The following LRRC37A2 variants were observed in gnomAD, a reference collection of about 807,000 sequenced individuals.
LRRC37A2 encodes the protein leucine rich repeat containing 37 member A2.
Under a neutral mutation model 68.8 loss-of-function variants are expected in LRRC37A2, and 9 were observed. That is an observed-to-expected ratio of 0.13 (90% CI 0.08 to 0.23). LRRC37A2 has a LOEUF of 0.23. Ranked by LOEUF, LRRC37A2 falls within the 10% of genes least tolerant of loss-of-function variation. LRRC37A2 has a pLI of 1.00. For missense variants in LRRC37A2, 168 were observed against 950.4 expected, an observed-to-expected ratio of 0.18 and a Z score of 10.82; for synonymous variants, 63 against 367.6, an observed-to-expected ratio of 0.17 and a Z score of 9.48.
the LRRC37A2 span, among the ~76,000 whole-genome samples, chr17:46,789,860 C>T: frequency 7.2e-5 from 11 of 152,328 alleles, no homozygotes; most frequent in African/African-American, 2.2e-4. Flanking sequence ...GGGGATGCTG[C>T]GACCACACCC....
chr17:46,716,082 A>G, the LRRC37A2 span, among the ~76,000 whole-genome samples: 5 of 152,332 alleles, frequency 3.3e-5, no homozygotes, highest in South Asian at 1.0e-3. Context: ...TAGAAATATT[A>G]CAAAATATTT....
chr17:46,936,768 T>C, the LRRC37A2 span: 3 of 983,138 alleles, frequency 3.1e-6, no homozygotes, highest in African/African-American at 3.5e-5. Context: ...GATTGTATTG[T>C]CACTATCTCG....
the LRRC37A2 span, among the ~76,000 whole-genome samples, chr17:46,898,421 T>A: frequency 9.7e-4 from 148 of 152,332 alleles, no homozygotes; most frequent in Middle Eastern, 3.4e-3. Context: ...ATTGCCAAGT[T>A]CAAGGTTGTC....
chr17:46,975,966 G>A, the LRRC37A2 span, among the ~76,000 whole-genome samples: 13 of 152,108 alleles, frequency 8.5e-5, no homozygotes, highest in African/African-American at 3.1e-4. Flanking sequence ...TAGCACTGTC[G>A]CCCAGGCTGG....
the LRRC37A2 span, among the ~76,000 whole-genome samples, chr17:46,785,033 T>C: frequency 6.6e-6 from 1 of 152,116 alleles, no homozygotes; most frequent in Non-Finnish European, 1.5e-5. Flanking sequence ...CGCCTTGGCC[T>C]CCCAAAGTGC....
the LRRC37A2 span, among the ~76,000 whole-genome samples, chr17:46,785,029 G>A: frequency 6.6e-6 from 1 of 151,956 alleles, no homozygotes; most frequent in East Asian, 1.9e-4. Context: ...TGCCCGCCTT[G>A]GCCTCCCAAA....
At chr17:47,041,120 C>A in the LRRC37A2 span, among the ~76,000 whole-genome samples, 13 of 630 alleles carry the variant, frequency 0.021, no homozygotes, top group African/African-American at 0.026. Flanking sequence ...CAAATGAGGT[C>A]TTCCAGGGAA....
the LRRC37A2 span, among the ~76,000 whole-genome samples, chr17:46,878,341 A>C: frequency 2.0e-5 from 3 of 152,154 alleles, no homozygotes; most frequent in Admixed American, 6.5e-5. Flanking sequence ...CTCCAGGACA[A>C]AGGCCCGCTG....
chr17:46,798,989 A>C, the LRRC37A2 span, among the ~76,000 whole-genome samples: 1 of 149,358 alleles, frequency 6.7e-6, no homozygotes, highest in African/African-American at 2.5e-5. Context: ...CGGAGGTTAC[A>C]GTGAGCCAAG....
At chr17:46,805,916 A>G in the LRRC37A2 span, among the ~76,000 whole-genome samples, 3 of 152,232 alleles carry the variant, frequency 2.0e-5, no homozygotes, top group Non-Finnish European at 4.4e-5. Context: ...TCTCTTGTTT[A>G]GAGCTCTGGG....
the LRRC37A2 span, among the ~76,000 whole-genome samples, chr17:46,982,911 G>T: frequency 6.6e-6 from 1 of 152,218 alleles, no homozygotes; most frequent in Admixed American, 6.5e-5. Context: ...AAAGGAGAAG[G>T]CTTCAGGTAC....
chr17:46,922,485 TAAA>T, the LRRC37A2 span, among the ~76,000 whole-genome samples: 2 of 152,044 alleles, frequency 1.3e-5, no homozygotes, highest in Admixed American at 6.6e-5. Flanking sequence ...AGTATAATAA[TAAA>T]AAATAATAAA....
chr17:46,750,378 G>A, the LRRC37A2 span, among the ~76,000 whole-genome samples: 6 of 152,106 alleles, frequency 3.9e-5, no homozygotes, highest in African/African-American at 1.4e-4. Context: ...AGGACCAGAA[G>A]TGTTTCAGAT....
At chr17:46,761,156 G>T in the LRRC37A2 span, among the ~76,000 whole-genome samples, 1 of 152,174 alleles carries the variant, frequency 6.6e-6, no homozygotes, top group Non-Finnish European at 1.5e-5. Flanking sequence ...TGGCTGAAGT[G>T]TAACAGTTTT....
At chr17:46,403,507 C>CAAAAAAAAA in the LRRC37A2 span, among the ~76,000 whole-genome samples, 1 of 49,278 alleles carries the variant, frequency 2.0e-5, no homozygotes, top group Admixed American at 2.0e-4. Flanking sequence ...GACTATCTCT[C>CAAAAAAAAA]AAAAAAAAAA....
At chr17:46,849,666 C>T in the LRRC37A2 span, among the ~76,000 whole-genome samples, 1 of 152,158 alleles carries the variant, frequency 6.6e-6, no homozygotes, top group Admixed American at 6.5e-5. Flanking sequence ...AACGATGCCA[C>T]ATTGGTGGCA....
At chr17:46,727,105 T>C in the LRRC37A2 span, among the ~76,000 whole-genome samples, 1 of 152,182 alleles carries the variant, frequency 6.6e-6, no homozygotes, top group Admixed American at 6.6e-5. Flanking sequence ...CTCTTGCTTA[T>C]CCCACAGAGT....
the LRRC37A2 span, chr17:46,940,077 T>A: frequency 9.0e-7 from 1 of 1,111,900 alleles, no homozygotes; most frequent in Non-Finnish European, 1.1e-6. Context: ...GCTTGAACTG[T>A]CTTCTGTCTT....
At chr17:46,932,071 G>C in the LRRC37A2 span, 1 of 1,613,690 alleles carries the variant, frequency 6.2e-7, no homozygotes, top group Non-Finnish European at 8.5e-7. Context: ...TTCCAGTCGG[G>C]TTGACCAGTT....
Sources: allele counts gnomAD v4.1 joint callset (sites outside exome capture counted in the v4.1 genomes callset), GRCh38; gene constraint gnomAD v4.1.1; transcripts MANE v1.5; gene names NCBI Gene and HGNC (gene_info 2026-07-23, HGNC 2026-07-21).